Variants in ZBTB17 observed in about 807,000 individuals in gnomAD.
ZBTB17 encodes zinc finger and BTB domain-containing protein 17.
ZBTB17 carries 24 observed loss-of-function variants against 85.1 expected under a neutral mutation model. The ratio of observed to expected loss-of-function variants is 0.28; its 90% confidence interval spans 0.20 to 0.40. ZBTB17 has a LOEUF of 0.40. Among genes scored for constraint, ZBTB17 ranks in the 10% least tolerant of loss-of-function variants. The pLI is 1.00. For missense variants in ZBTB17, 743 were observed against 1,105.1 expected (o/e 0.67, Z 4.65); for synonymous variants, 464 against 460.2 (o/e 1.01, Z -0.11).
At chr1:15,975,914 C>T (rs1570241504) in intron 1 of ZBTB17, 69 bp downstream of exon 1, 1 of 694,640 alleles carries the variant, frequency 1.4e-6, no homozygotes, top group Non-Finnish European at 2.6e-6. Flanking sequence ...TCCCACCGCG[C>T]CCCATCCTCC....
chr1:15,951,358 G>A lies in ZBTB17; in HGVS notation c.-2-2861C>T, dbSNP rs1246749073. On this transcript the variant is annotated intron_variant, in intron 2 of 15. Transcript: ENST00000375743. This position sits in a 1 kb window ranked among gnomAD's most constrained non-coding sequence, Gnocchi z 4.1. ...GAGGGAGGGGCCCTGTACCCACAGAGAGATCAGCAGCAGCTGAAATGCGCT... is the reference window on the plus strand; with the variant it reads ...GAGGGAGGGGCCCTGTACCCACAGAAAGATCAGCAGCAGCTGAAATGCGCT... 6.6e-6 allele frequency among the ~76,000 whole-genome samples: 1 copy of A among 152,156 alleles called. No individual in the cohort carries two copies. Among genetic ancestry groups the A allele is most frequent in the Non-Finnish European group, 1.5e-5 (1 of 68,024 alleles).
chr1:15,966,449 G>A lies in ZBTB17; in HGVS notation c.-3+6590C>T, dbSNP rs547342447. Reference sequence around the variant, plus strand: ...TTCTGGCCCGCTCTCCACTCGCAGCGGGAATTCCCACCTCTGAGCCTCTGT... The same window carrying A: ...TTCTGGCCCGCTCTCCACTCGCAGCAGGAATTCCCACCTCTGAGCCTCTGT... On this transcript the variant is annotated intron_variant, in intron 2 of 15. Transcript: ENST00000375743. The surrounding 1 kb of genome is among the most constrained non-coding windows in gnomAD (Gnocchi z 4.1). 6.6e-4 allele frequency among the ~76,000 whole-genome samples: 101 copies of A among 152,252 alleles called. No homozygotes were observed. Among genetic ancestry groups the A allele is most frequent in the Admixed American group, 1.4e-3 (22 of 15,284 alleles).
intron 3 of ZBTB17, 177 bp from the exon 4 acceptor site, chr1:15,947,300 C>A: frequency 1.6e-6 from 1 of 634,920 alleles, no homozygotes; most frequent in East Asian, 2.8e-5. Flanking sequence ...CTCAGCACTA[C>A]CAACAGCCCT....
At position 15,952,186 on chromosome 1, in the gene ZBTB17, T is replaced by G. The variant is rs2071881669; in HGVS notation, c.-2-3689A>C. On this transcript the variant is annotated intron_variant, in intron 2 of 15. Coordinates refer to ENST00000375743, the MANE Select transcript of ZBTB17 (RefSeq NM_003443.3). This position sits in a 1 kb window ranked among gnomAD's most constrained non-coding sequence, Gnocchi z 4.3. The stretch of plus-strand genomic sequence containing the variant: ...TCCTCATTTTAGATGCAGACTGACC[T>G]GACCCCCACTCACAAAGTCTTAGCT... Among the ~76,000 whole-genome samples the G allele has an allele frequency of 6.6e-6, 1 of 152,202 alleles. No individual in the cohort carries two copies. Among genetic ancestry groups the G allele is most frequent in the African/African-American group, 2.4e-5 (1 of 41,446 alleles).
intron 2 of ZBTB17, among the ~76,000 whole-genome samples, chr1:15,957,182 A>C (rs571598532): frequency 6.6e-5 from 10 of 151,518 alleles, no homozygotes; most frequent in Admixed American, 5.3e-4. Context: ...CCATCTCAAA[A>C]AAAAAAAAAA....
At chr1:15,946,607 C>T (rs1329233785) in intron 4 of ZBTB17, among the ~76,000 whole-genome samples, 1 of 152,236 alleles carries the variant, frequency 6.6e-6, no homozygotes, top group Non-Finnish European at 1.5e-5. Context: ...AAGTCTACAG[C>T]AAGGCACCTG....
chr1:15,972,244 T>C (rs925971301), intron 2 of ZBTB17, among the ~76,000 whole-genome samples: 2 of 152,178 alleles, frequency 1.3e-5, no homozygotes, highest in African/African-American at 4.8e-5. Context: ...CTGACACATG[T>C]TGGGCACAGA....
chr1:15,961,982 T>C (rs542323519), intron 2 of ZBTB17, among the ~76,000 whole-genome samples: 6 of 152,130 alleles, frequency 3.9e-5, no homozygotes, highest in East Asian at 1.9e-4. Flanking sequence ...GGCAGGAGGA[T>C]TGCCTAAGTT....
At chr1:15,969,397 C>T (rs2072559169) in intron 2 of ZBTB17, among the ~76,000 whole-genome samples, 1 of 152,122 alleles carries the variant, frequency 6.6e-6, no homozygotes, top group Non-Finnish European at 1.5e-5. Context: ...CCACCCCCCA[C>T]CCCTCAGCCC....
At position 15,973,111 on chromosome 1, in the gene ZBTB17, C is replaced by T. The variant is rs1040069828; in HGVS notation, c.-75G>A. On this transcript the variant is annotated 5_prime_UTR_variant, in exon 2 of 16. Transcript: ENST00000375743. The surrounding 1 kb of genome is among the most constrained non-coding windows in gnomAD (Gnocchi z 4.1). Reference sequence around the variant, plus strand: ...GTGTAAACTCCAGCTTGGCTCCCCTCGTCCGGCTCATTACCTGAATCAATG... The same window carrying T: ...GTGTAAACTCCAGCTTGGCTCCCCTTGTCCGGCTCATTACCTGAATCAATG... 2 of 152,202 alleles carry T rather than the reference C, an allele frequency of 1.3e-5. No individual in the cohort carries two copies. The highest frequency in any genetic ancestry group is 1.9e-4 in the East Asian group (1 of 5,194). The allele number at this position is 152,202 out of a possible 1,614,324, so 9.4% of individuals were successfully genotyped here.
In ZBTB17 at chr1:15,965,068, C is replaced by T. The variant is rs575277786; in HGVS notation, c.-3+7971G>A. ...GGCGGAGTTTGCAGTGAGCTGAGAT[C>T]GCGCCACTGCACTCCAGCCGGGGCA... On this transcript the variant is annotated intron_variant, in intron 2 of 15. Transcript: ENST00000375743. Among the ~76,000 whole-genome samples, 4 of 150,694 alleles carry T rather than the reference C, an allele frequency of 2.7e-5. No individual in the cohort carries two copies. In the South Asian group the frequency reaches 8.4e-4, roughly 32 times the overall value.
chr1:15,948,081 G>A (rs1557778450), intron 3 of ZBTB17: 9 of 632,772 alleles, frequency 1.4e-5, no homozygotes, highest in Middle Eastern at 2.7e-4. Flanking sequence ...CTTCCTGCCC[G>A]TTCTCCCCTT....
In ZBTB17 at chr1:15,945,169, T is replaced by G; in HGVS notation, c.695A>C (p.Glu232Ala). The change falls in exon 7 of 16, where the codon GAG (glutamate) becomes GCG (alanine). Residue 232 changes from glutamate to alanine, a missense_variant. Physicochemically the swap from Glu to Ala is moderately radical, Grantham distance 107 (BLOSUM62 -1). Around this residue, in one of 4 missense-constraint regions of ZBTB17, gnomAD observed 279 missense variants for 269.9 expected, o/e 1.03. Transcript: ENST00000375743. ...TTGCTCCTCTTGCTCCTTTTGCTCC[T>G]CTTCCCCTTTCCGGGCGGGCTCCAC... is the stretch of plus-strand genomic sequence containing the variant. Reference protein sequence around the residue: ...MEVEPARKGEEEQKEQEEQEE... With the variant: ...MEVEPARKGEAEQKEQEEQEE... 23 of 1,566,076 alleles carry G rather than the reference T, an allele frequency of 1.5e-5. No individual in the cohort carries two copies. Among genetic ancestry groups the G allele is most frequent in the Non-Finnish European group, 2.0e-5 (23 of 1,154,906 alleles).
In ZBTB17 at chr1:15,953,654, C is replaced by T. The variant is rs1035461177; in HGVS notation, c.-2-5157G>A. On this transcript the variant is annotated intron_variant, in intron 2 of 15. Coordinates refer to ENST00000375743, the MANE Select transcript of ZBTB17 (RefSeq NM_003443.3). This position sits in a 1 kb window ranked among gnomAD's most constrained non-coding sequence, Gnocchi z 5.1. ...AAGTTCCATACTGCTGCCTCCACGA[C>T]GCAGGGATTCCAGTGGCGGCTGAGC... Among the ~76,000 whole-genome samples, 7 of 152,216 alleles carry T rather than the reference C, an allele frequency of 4.6e-5. No homozygotes were observed. The highest frequency in any genetic ancestry group is 1.3e-4 in the Admixed American group (2 of 15,288).
In ZBTB17 at chr1:15,964,577, C is replaced by T. The variant is rs541269915; in HGVS notation, c.-3+8462G>A. Among the ~76,000 whole-genome samples, 1 of 151,912 alleles carries T rather than the reference C, an allele frequency of 6.6e-6. No individual in the cohort carries two copies. The highest frequency in any genetic ancestry group is 2.4e-5 in the African/African-American group (1 of 41,360). On this transcript the variant is annotated intron_variant, in intron 2 of 15. Coordinates refer to ENST00000375743, the MANE Select transcript of ZBTB17 (RefSeq NM_003443.3). This position sits in a 1 kb window ranked among gnomAD's most constrained non-coding sequence, Gnocchi z 4.3. ...TACAAAAAAGACAAAAATAGCTGAGCGTGGTGGCGTGTGCCTCTAGTCTCA... is the reference window on the plus strand; with the variant it reads ...TACAAAAAAGACAAAAATAGCTGAGTGTGGTGGCGTGTGCCTCTAGTCTCA...
chr1:15,970,241 G>A, intron 2 of ZBTB17: 1 of 436,980 alleles, frequency 2.3e-6, no homozygotes, highest in East Asian at 4.8e-5. Flanking sequence ...TATTTTTGAA[G>A]GGTGAGGAGG....
intron 2 of ZBTB17, among the ~76,000 whole-genome samples, chr1:15,971,464 T>C (rs2072666043): frequency 8.0e-6 from 1 of 125,118 alleles, no homozygotes; most frequent in Non-Finnish European, 1.7e-5. Context: ...ACACTATATA[T>C]ACACACACAC....
At chr1:15,946,454 C>T (rs1308910340) in intron 4 of ZBTB17, 160 bp from the exon 5 acceptor site, 14 of 1,108,528 alleles carry the variant, frequency 1.3e-5, no homozygotes, top group Non-Finnish European at 1.7e-5. Context: ...TCACAGGGCA[C>T]CCACTCCATG....
At chr1:15,970,018 G>C in intron 2 of ZBTB17, 1 of 763,486 alleles carries the variant, frequency 1.3e-6, no homozygotes, top group Non-Finnish European at 2.2e-6. Flanking sequence ...CATTCACTGG[G>C]ATGATGCTTT....
Sources: gnomAD v4.1 joint callset for allele counts (sites outside exome capture counted in the v4.1 genomes callset) on GRCh38, gnomAD v4.1.1 for gene constraint, gnomAD v4.1.1 regional missense constraint, Gnocchi (gnomAD v3.1) non-coding constraint, MANE v1.5 for transcripts, NCBI Gene and HGNC (gene_info 2026-07-23, HGNC 2026-07-21) for gene names.